ERLIN2: variants seen among roughly 807,000 people sequenced by gnomAD.
ERLIN2 encodes ER lipid raft associated 2.
ERLIN2 carries 22 observed loss-of-function variants against 41.5 expected under a neutral mutation model. The ratio of observed to expected loss-of-function variants is 0.53; its 90% CI spans 0.38 to 0.76. The LOEUF (loss-of-function observed/expected upper bound fraction) is 0.76. Among genes scored for constraint, ERLIN2 ranks in the 30% least tolerant of loss-of-function variants. The probability of loss-of-function intolerance (pLI) is 0.00; values close to 1 mark genes in which losing one functional copy is unlikely to be tolerated. For missense variants in ERLIN2, 247 were observed against 414.3 expected (o/e 0.60, Z 3.51); for synonymous variants, 149 against 150.9 (o/e 0.99, Z 0.09).
rs1234687666 is a variant in ERLIN2 at position 37,740,357 on chromosome 8, C to A, written c.108-8C>A. 1.2e-6 allele frequency: 2 copies of A among 1,608,688 alleles called. 1 individual carries two copies. Among genetic ancestry groups the A allele is most frequent in the South Asian group, 2.2e-5 (2 of 91,018 alleles). The stretch of plus-strand genomic sequence containing the variant: ...TGAAGCTGCCTCTCTCTTCCCCCTC[C>A]TCTGCAGAGGCGGTGCCCTGCTGAC... On this transcript the variant is annotated splice_polypyrimidine_tract_variant and splice_region_variant and intron_variant, in intron 2 of 11. Coordinates refer to ENST00000519638, the MANE Select transcript of ERLIN2 (RefSeq NM_007175.8).
rs1803335951 is a variant in ERLIN2, at chr8:37,755,562, A to AC, written c.*1453dup. On this transcript the variant is annotated 3_prime_UTR_variant, in exon 12 of 12. Coordinates refer to ENST00000519638, the MANE Select transcript of ERLIN2 (RefSeq NM_007175.8). ...TGTTATGAGCTGACCCCCACCCCCC[A>AC]CCCCCCACCCCCCCCCCCCGCCAAC... is the stretch of plus-strand genomic sequence containing the variant. 1.0e-4 allele frequency: 6 copies of AC among 58,272 alleles called. No homozygotes were observed. The highest frequency in any genetic ancestry group is 1.1e-3 in the South Asian group (1 of 900). The allele number at this position is 58,272 out of a possible 1,614,324, so 3.6% of individuals were successfully genotyped here.
intron 10 of ERLIN2, among the ~76,000 whole-genome samples, 194 bp downstream of exon 10, chr8:37,751,909 A>G (rs536460057): frequency 2.0e-4 from 30 of 152,342 alleles, no homozygotes; most frequent in Non-Finnish European, 3.4e-4. Flanking sequence ...TTTCTACTTC[A>G]GAGAGCATTT....
Position 37,753,896 on chromosome 8 carries a change from C to G in ERLIN2, c.820-19C>G, listed in dbSNP as rs1245302706. The G allele has an allele frequency of 1.5e-6, 2 of 1,314,874 alleles. No homozygotes were observed. The highest frequency in any genetic ancestry group is 2.1e-6 in the Non-Finnish European group (2 of 934,134). 81.5% of individuals were successfully genotyped at this position (1,314,874 alleles called of 1,614,324 possible). On this transcript the variant is annotated intron_variant, in intron 11 of 11. Coordinates refer to ENST00000519638, the MANE Select transcript of ERLIN2 (RefSeq NM_007175.8). ...TATGGTTCAACATAAGTCTTCCATA[C>G]TTTTTTTTTTTTTAACAGCTGAAGC...
rs374487092 is a variant in ERLIN2 at position 37,741,272 on chromosome 8, TGAGAGA to T, written c.190-487_190-482del. Among the ~76,000 whole-genome samples, 3 of 151,314 alleles carry T rather than the reference TGAGAGA, an allele frequency of 2.0e-5. No homozygotes were observed. The highest frequency in any genetic ancestry group is 3.0e-5 in the Non-Finnish European group (2 of 67,778). On this transcript the variant is annotated intron_variant, in intron 3 of 11. Coordinates refer to ENST00000519638, the MANE Select transcript of ERLIN2 (RefSeq NM_007175.8). This position sits in a 1 kb window ranked among gnomAD's most constrained non-coding sequence, Gnocchi z 4.8. ...GTGACTACAGTACAATAAGATATTT[TGAGAGA>T]GAGAGAGAGAGACCACCTTCAAATA...
chr8:37,742,608 A>C (rs1362622361), intron 4 of ERLIN2, among the ~76,000 whole-genome samples: 2 of 152,168 alleles, frequency 1.3e-5, no homozygotes, highest in Non-Finnish European at 2.9e-5. Flanking sequence ...GAATGATGAG[A>C]ACACATGGAC....
In ERLIN2 at chr8:37,753,472, G is replaced by A; in HGVS notation, c.762G>A (p.Glu254=). The A allele has an allele frequency of 1.2e-6, 2 of 1,614,130 alleles. No homozygotes were observed. Among genetic ancestry groups the A allele is most frequent in the Non-Finnish European group, 1.7e-6 (2 of 1,180,012 alleles). ...EIEDAAFLAR[E]KAKADAECYT... ...CAGATGCTGCATTTCTGGCCCGGGA[G>A]AAGGCAAAGGCAGATGCTGAGTGCT... Residue 254 remains glutamate (E), a synonymous_variant, in exon 11 of 12, where the codon GAG becomes GAA. Coordinates refer to ENST00000519638, the MANE Select transcript of ERLIN2 (RefSeq NM_007175.8).
At chr8:37,737,748 A>C (rs1802703376) in intron 1 of ERLIN2, 160 bp from the exon 2 acceptor site, 1 of 750,784 alleles carries the variant, frequency 1.3e-6, no homozygotes, top group African/African-American at 1.8e-5. Context: ...TTGACTGAGA[A>C]CGAGGAGGAA....
chr8:37,747,278 A>T (rs747568128), intron 6 of ERLIN2: 1 of 815,430 alleles, frequency 1.2e-6, no homozygotes, highest in Non-Finnish European at 2.2e-6. Flanking sequence ...TCAAGAAGTT[A>T]CTTTGTCTCC....
chr8:37,750,267 C>T lies in ERLIN2; in HGVS notation c.558-128C>T, dbSNP rs183175764. The T allele has an allele frequency of 3.8e-5, 28 of 743,622 alleles. No individual in the cohort carries two copies. The African/African-American group carries it at 3.8e-4, about 10-fold the overall frequency. The allele number at this position is 743,622 out of a possible 1,614,324, so 46.1% of individuals were successfully genotyped here. A position where few individuals can be genotyped will look rare whatever the true frequency, so the allele number is the denominator to read the frequency against. On this transcript the variant is annotated intron_variant, in intron 8 of 11. Coordinates refer to ENST00000519638, the MANE Select transcript of ERLIN2 (RefSeq NM_007175.8). ...ACAGATCAGCTTTTACCTGGGCCAT[C>T]GAACAGCCTTCCAGGAGGAGTAGGA...
intron 9 of ERLIN2, among the ~76,000 whole-genome samples, chr8:37,750,707 C>A (rs759533619): frequency 6.6e-6 from 1 of 152,080 alleles, no homozygotes; most frequent in Non-Finnish European, 1.5e-5. Context: ...ATGAAAGAAG[C>A]CCCACCTGTT....
At chr8:37,736,896 C>T (rs1374706764) in intron 1 of ERLIN2, 1 of 985,914 alleles carries the variant, frequency 1.0e-6, no homozygotes, top group African/African-American at 1.7e-5. Flanking sequence ...CAGACCAGGG[C>T]GCTTGACCCT....
At chr8:37,752,950 T>C (rs1803257972) in intron 10 of ERLIN2, among the ~76,000 whole-genome samples, 1 of 152,234 alleles carries the variant, frequency 6.6e-6, no homozygotes, top group Non-Finnish European at 1.5e-5. Context: ...AACTATGTTA[T>C]GTTCGTGGCA....
chr8:37,740,157 A>T (rs2129651617), intron 2 of ERLIN2, among the ~76,000 whole-genome samples: 1 of 152,250 alleles, frequency 6.6e-6, no homozygotes, highest in Admixed American at 6.5e-5. Flanking sequence ...CAAAAGCATG[A>T]ACAATAGTTT....
intron 8 of ERLIN2, 85 bp downstream of exon 8, chr8:37,749,937 A>G: frequency 8.3e-7 from 1 of 1,203,958 alleles, no homozygotes; most frequent in South Asian, 1.2e-5. Context: ...CAAAGCTGCC[A>G]GGCTTCTCGG....
At chr8:37,750,217 G>A in intron 8 of ERLIN2, 178 bp from the exon 9 acceptor site, 1 of 652,580 alleles carries the variant, frequency 1.5e-6, no homozygotes. Flanking sequence ...TACTTGGGAG[G>A]AGAAGAGCTA....
chr8:37,757,842 A>G lies in ERLIN2; in HGVS notation c.*3727A>G, dbSNP rs1425365602. On this transcript the variant is annotated 3_prime_UTR_variant, in exon 12 of 12. Coordinates refer to ENST00000519638, the MANE Select transcript of ERLIN2 (RefSeq NM_007175.8). ...TGGCATAATTCTTGGTAGGTGCTAT[A>G]GAGATTTATCATTTTAAACAGTTCA... 1 of 152,216 alleles carries G rather than the reference A, an allele frequency of 6.6e-6. No individual in the cohort carries two copies. The highest frequency in any genetic ancestry group is 6.5e-5 in the Admixed American group (1 of 15,278). The allele number at this position is 152,216 out of a possible 1,614,324, so 9.4% of individuals were successfully genotyped here.
At chr8:37,745,138 C>A (rs1032486455) in intron 6 of ERLIN2, 4 of 505,610 alleles carry the variant, frequency 7.9e-6, no homozygotes, top group African/African-American at 7.7e-5. Flanking sequence ...GGGGCTGAAA[C>A]AGGAGCCTTC....
intron 6 of ERLIN2, chr8:37,746,588 A>T: frequency 1.1e-6 from 1 of 908,022 alleles, no homozygotes; most frequent in Non-Finnish European, 1.3e-6. Flanking sequence ...TTAATCTATA[A>T]TGTATCCCTC....
chr8:37,744,568 C>A lies in ERLIN2; in HGVS notation c.299-3C>A, dbSNP rs767231549. On this transcript the variant is annotated splice_region_variant and splice_polypyrimidine_tract_variant and intron_variant, in intron 5 of 11. Coordinates refer to ENST00000519638, the MANE Select transcript of ERLIN2 (RefSeq NM_007175.8). ...TATGCCAAGCCCTCTCCTTCCCTCT[C>A]AGTGTATGATATAGTGAAGAACTAT... The A allele has an allele frequency of 6.2e-7, 1 of 1,614,168 alleles. No homozygotes were observed. Among genetic ancestry groups the A allele is most frequent in the South Asian group, 1.1e-5 (1 of 91,080 alleles).
Sources: allele counts gnomAD v4.1 joint callset (sites outside exome capture counted in the v4.1 genomes callset), GRCh38; gene constraint gnomAD v4.1.1; non-coding constraint Gnocchi (gnomAD v3.1); transcripts MANE v1.5; gene names NCBI Gene and HGNC (gene_info 2026-07-23, HGNC 2026-07-21).